Variants in NOL4L observed in about 807,000 individuals in gnomAD.
NOL4L encodes nucleolar protein 4 like.
Under a neutral mutation model 64.5 loss-of-function variants are expected in NOL4L, and 7 were observed. That is an observed-to-expected ratio of 0.11 (90% CI 0.06 to 0.20). The LOEUF (loss-of-function observed/expected upper bound fraction) is 0.20. NOL4L is among the 10% of genes least tolerant of loss of function. The probability of loss-of-function intolerance (pLI) is 1.00; values close to 1 mark genes in which losing one functional copy is unlikely to be tolerated. For synonymous variants in NOL4L, 413 were observed against 401.0 expected (o/e 1.03, Z -0.36); for missense variants, 680 against 967.1 (o/e 0.70, Z 3.94).
intron 5 of NOL4L, among the ~76,000 whole-genome samples, chr20:32,466,815 G>C (rs984574027): frequency 2.0e-5 from 3 of 152,216 alleles, no homozygotes; most frequent in Middle Eastern, 3.2e-3. Flanking sequence ...TCACAGGCCA[G>C]CCCAGGGAGG....
At chr20:32,554,176 C>G (rs1178057144) in intron 1 of NOL4L, among the ~76,000 whole-genome samples, 2 of 151,946 alleles carry the variant, frequency 1.3e-5, no homozygotes, top group Non-Finnish European at 2.9e-5. Context: ...AAAAAATTAG[C>G]CGGGCGTGGT....
intron 4 of NOL4L, among the ~76,000 whole-genome samples, chr20:32,481,594 G>A (rs1295704271): frequency 1.3e-5 from 2 of 152,158 alleles, no homozygotes; most frequent in Non-Finnish European, 2.9e-5. Context: ...CCCACTGTGC[G>A]GCAGGAAGGT....
At position 32,474,756 on chromosome 20, in the gene NOL4L, A is replaced by T. The variant is rs1429627865; in HGVS notation, c.700-14T>A. ...AGAAGTCTCATCCTGAGCAGGGACA[A>T]AGAAGGTGGGCATTCAGCAGGGACG... is the stretch of plus-strand genomic sequence containing the variant. On this transcript the variant is annotated splice_polypyrimidine_tract_variant and intron_variant, in intron 4 of 10. Coordinates refer to ENST00000621426, the MANE Select transcript of NOL4L (RefSeq NM_001256798.2). The T allele has an allele frequency of 6.3e-7, 1 of 1,597,642 alleles. No homozygotes were observed. The highest frequency in any genetic ancestry group is 8.5e-7 in the Non-Finnish European group (1 of 1,170,360).
At position 32,583,327 on chromosome 20, in the gene NOL4L, C is replaced by CGGAGGG. The variant is rs1016798529; in HGVS notation, c.321+1237_321+1242dup. Among the ~76,000 whole-genome samples, 5 of 148,990 alleles carry CGGAGGG rather than the reference C, an allele frequency of 3.4e-5. No homozygotes were observed. The East Asian group carries it at 6.2e-4, about 19-fold the overall frequency. Reference sequence around the variant, plus strand: ...CCCGCGGGCCCGGCCCGGGCGGCCGCGGAGGGGGAGGGGGAGGGGACAAGT... The same window carrying CGGAGGG: ...CCCGCGGGCCCGGCCCGGGCGGCCGCGGAGGGGGAGGGGGAGGGGGAGGGGACAAGT... On this transcript the variant is annotated intron_variant, in intron 1 of 10. Coordinates refer to ENST00000621426, the MANE Select transcript of NOL4L (RefSeq NM_001256798.2).
intron 1 of NOL4L, chr20:32,560,943 A>AG (rs925583093): frequency 6.6e-6 from 1 of 152,308 alleles, no homozygotes; most frequent in African/African-American, 2.4e-5. Context: ...TGTCCCCAGC[A>AG]GGGCCGGAGC....
intron 4 of NOL4L, among the ~76,000 whole-genome samples, chr20:32,476,313 A>C (rs553103670): frequency 6.6e-6 from 1 of 152,212 alleles, no homozygotes; most frequent in African/African-American, 2.4e-5. Flanking sequence ...AGGGAGACGA[A>C]GGGGAGGGGG....
intron 5 of NOL4L, among the ~76,000 whole-genome samples, chr20:32,462,314 G>A (rs2014145096): frequency 6.6e-6 from 1 of 152,220 alleles, no homozygotes; most frequent in Admixed American, 6.5e-5. Context: ...GAGTAGTCCA[G>A]GGTCTTCTCC....
intron 1 of NOL4L, among the ~76,000 whole-genome samples, chr20:32,571,716 C>T (rs955522777): frequency 2.0e-5 from 3 of 152,228 alleles, no homozygotes; most frequent in African/African-American, 7.2e-5. Context: ...CAGGAGGCTG[C>T]CCAAGATCAT....
intron 9 of NOL4L, 116 bp downstream of exon 9, chr20:32,452,768 C>T: frequency 7.4e-6 from 11 of 1,491,120 alleles, no homozygotes; most frequent in South Asian, 1.3e-5. Context: ...CTCCTGTTCC[C>T]CCTCTGCCCT....
Position 32,460,051 on chromosome 20 carries a change from A to G in NOL4L, c.842-3656T>C, listed in dbSNP as rs1217634220. Among the ~76,000 whole-genome samples, 1 of 152,222 alleles carries G rather than the reference A, an allele frequency of 6.6e-6. No homozygotes were observed. The highest frequency in any genetic ancestry group is 1.5e-5 in the Non-Finnish European group (1 of 68,044). On this transcript the variant is annotated intron_variant, in intron 5 of 10. Transcript: ENST00000621426. The surrounding 1 kb of genome is among the most constrained non-coding windows in gnomAD (Gnocchi z 5.7). ...GCATCTGGAACAGGCAAATTCACAGAGACAGAAGGTACAGTGAGGCTCCAC... is the reference window on the plus strand; with the variant it reads ...GCATCTGGAACAGGCAAATTCACAGGGACAGAAGGTACAGTGAGGCTCCAC...
rs907132622 is a variant in NOL4L, at chr20:32,453,741, C to T, written c.1140G>A (p.Gly380=). ...TTPESPPYSS[G]SYDSIKTEVS... ...CCTCGGTCTTGATGGAATCGTAGCTCCCAGAGCTGTAGGGGGGGGACTAAA... is the reference window on the plus strand; with the variant it reads ...CCTCGGTCTTGATGGAATCGTAGCTTCCAGAGCTGTAGGGGGGGGACTAAA... Residue 380 remains glycine (G), a synonymous_variant, in exon 7 of 11, where the codon GGG becomes GGA. Coordinates refer to ENST00000621426, the MANE Select transcript of NOL4L (RefSeq NM_001256798.2). This position sits in a 1 kb window ranked among gnomAD's most constrained non-coding sequence, Gnocchi z 5.6. 23 of 1,554,064 alleles carry T rather than the reference C, an allele frequency of 1.5e-5. No homozygotes were observed. The highest frequency in any genetic ancestry group is 1.7e-4 in the Middle Eastern group (1 of 6,014).
chr20:32,533,276 T>C (rs1400753652), intron 1 of NOL4L: 1 of 152,240 alleles, frequency 6.6e-6, no homozygotes, highest in Non-Finnish European at 1.5e-5. Flanking sequence ...ATACATCTGA[T>C]ATTTCAAAAT....
At chr20:32,482,776 C>T (rs1199989159) in intron 4 of NOL4L, among the ~76,000 whole-genome samples, 2 of 151,736 alleles carry the variant, frequency 1.3e-5, no homozygotes, top group Non-Finnish European at 2.9e-5. Flanking sequence ...CAACTCCCCG[C>T]GCCGCGCCGG....
intron 2 of NOL4L, among the ~76,000 whole-genome samples, chr20:32,521,722 A>G (rs1460380916): frequency 6.6e-6 from 1 of 152,166 alleles, no homozygotes; most frequent in Non-Finnish European, 1.5e-5. Context: ...CTAGGTGTCC[A>G]GCCCTTTCCT....
At chr20:32,497,198 C>T (rs2145529274) in intron 4 of NOL4L, among the ~76,000 whole-genome samples, 1 of 152,162 alleles carries the variant, frequency 6.6e-6, no homozygotes, top group South Asian at 2.1e-4. Flanking sequence ...GCGTCTGAAA[C>T]CCTCCTGCAC....
At chr20:32,554,486 T>A (rs550114620) in intron 1 of NOL4L, among the ~76,000 whole-genome samples, 5 of 152,190 alleles carry the variant, frequency 3.3e-5, no homozygotes, top group Non-Finnish European at 5.9e-5. Flanking sequence ...CCCCTGTCAC[T>A]GAAGATCCAT....
chr20:32,527,982 CG>C, intron 1 of NOL4L, 69 bp from the exon 2 acceptor site: 3 of 1,150,288 alleles, frequency 2.6e-6, no homozygotes, highest in Non-Finnish European at 3.4e-6. Context: ...GCCCTGAGGC[CG>C]GGGCAAGGGG....
chr20:32,474,706 T>C lies in NOL4L; in HGVS notation c.736A>G (p.Ser246Gly), dbSNP rs2015267994. 1.2e-6 allele frequency: 2 copies of C among 1,613,468 alleles called. No homozygotes were observed. The highest frequency in any genetic ancestry group is 1.7e-6 in the Non-Finnish European group (2 of 1,179,760). ...TSVSSEDFDM[S>G]DSTWMSADPH... is the part of the protein sequence containing the mutation. ...TCAGCTGACATCCATGTGGAGTCGC[T>C]CATATCAAAATCCTCGCTGCTCACA... Residue 246 changes from serine to glycine, a missense_variant, in exon 5 of 11, where the codon AGC becomes GGC. Ser to Gly is a moderately conservative substitution (Grantham distance 56). This residue lies in a region of NOL4L where 254 missense variants were observed against 238.7 expected (regional missense o/e 1.06). Transcript: ENST00000621426.
chr20:32,471,822 C>T (rs1457701536), intron 5 of NOL4L, among the ~76,000 whole-genome samples: 1 of 152,148 alleles, frequency 6.6e-6, no homozygotes, highest in Non-Finnish European at 1.5e-5. Flanking sequence ...CTCCCTCTCT[C>T]TTGCTCCCTC....
Sources: gnomAD v4.1 joint callset for allele counts (sites outside exome capture counted in the v4.1 genomes callset) on GRCh38, gnomAD v4.1.1 for gene constraint, gnomAD v4.1.1 regional missense constraint, Gnocchi (gnomAD v3.1) non-coding constraint, MANE v1.5 for transcripts, NCBI Gene and HGNC (gene_info 2026-07-23, HGNC 2026-07-21) for gene names.